RELN: variants seen among roughly 807,000 people sequenced by gnomAD.
The protein encoded by RELN is reelin.
Under a neutral mutation model 427.6 loss-of-function variants are expected in RELN, and 108 were observed. The ratio of observed to expected loss-of-function variants is 0.25; its 90% CI spans 0.22 to 0.30. The LOEUF (loss-of-function observed/expected upper bound fraction) is 0.30, where lower values mean the gene tolerates loss of function less well. RELN is among the 10% of genes least tolerant of loss of function. The pLI, the probability that RELN is intolerant of heterozygous loss-of-function variation, is 1.00. For missense variants in RELN, 3,715 were observed against 4,302.8 expected (o/e 0.86, Z 3.82); for synonymous variants, 1,524 against 1,513.4 (o/e 1.01, Z -0.16).
intron 31 of RELN, among the ~76,000 whole-genome samples, chr7:103,567,476 G>A (rs1050686734): frequency 1.3e-5 from 2 of 152,184 alleles, no homozygotes; most frequent in African/African-American, 4.8e-5. Context: ...TGCAGAGAAA[G>A]CGCAATGTTG....
intron 48 of RELN, among the ~76,000 whole-genome samples, chr7:103,520,963 T>A (rs1051747141): frequency 4.0e-5 from 4 of 100,864 alleles, no homozygotes; most frequent in Non-Finnish European, 8.1e-5. Context: ...TGTTATTTTT[T>A]TTTTTTTTTT....
intron 12 of RELN, among the ~76,000 whole-genome samples, chr7:103,654,422 A>G (rs1046167291): frequency 2.0e-5 from 3 of 152,130 alleles, no homozygotes; most frequent in Non-Finnish European, 4.4e-5. Flanking sequence ...TGAAGGCCAA[A>G]GTAGCTATTT....
At chr7:103,888,257 A>G (rs1481891346) in intron 2 of RELN, among the ~76,000 whole-genome samples, 1 of 151,778 alleles carries the variant, frequency 6.6e-6, no homozygotes, top group Non-Finnish European at 1.5e-5. Flanking sequence ...ATATATATAT[A>G]TATCACCCGA....
At chr7:103,906,853 C>T (rs1285994320) in intron 2 of RELN, among the ~76,000 whole-genome samples, 1 of 152,114 alleles carries the variant, frequency 6.6e-6, no homozygotes, top group East Asian at 1.9e-4. Flanking sequence ...ACATCTGAGC[C>T]ACAGAACAGG....
At chr7:103,473,928 C>T (rs1352714034) in intron 64 of RELN, among the ~76,000 whole-genome samples, 1 of 151,994 alleles carries the variant, frequency 6.6e-6, no homozygotes, top group African/African-American at 2.4e-5. Flanking sequence ...TCCATGAAGA[C>T]ATAAAATGTA....
At position 103,489,920 on chromosome 7, in the gene RELN, A is replaced by C. The variant is rs201166251; in HGVS notation, c.9606-21T>G. On this transcript the variant is annotated intron_variant, in intron 59 of 64. Coordinates refer to ENST00000428762, the MANE Select transcript of RELN (RefSeq NM_005045.4). Reference sequence around the variant, plus strand: ...TTGCACTGAAAGAACCACAGAGAGCAGAAGGGATTCAGTAGGTTGTTACTT... The same window carrying C: ...TTGCACTGAAAGAACCACAGAGAGCCGAAGGGATTCAGTAGGTTGTTACTT... 1,071 of 1,613,762 alleles carry C rather than the reference A, an allele frequency of 6.6e-4. No individual in the cohort carries two copies. Among genetic ancestry groups the C allele is most frequent in the Admixed American group, 9.3e-4 (56 of 60,008 alleles).
At chr7:103,650,435 G>C (rs768287864) in intron 15 of RELN, 52 bp from the exon 16 acceptor site, 1 of 1,114,190 alleles carries the variant, frequency 9.0e-7, no homozygotes, top group Non-Finnish European at 1.4e-6. Context: ...CATATCTTTA[G>C]AATCTATTTT....
intron 18 of RELN, 65 bp from the exon 19 acceptor site, chr7:103,635,651 T>C: frequency 7.0e-7 from 1 of 1,420,288 alleles, no homozygotes; most frequent in Non-Finnish European, 9.9e-7. Context: ...TTCATTTTGG[T>C]CTTTAAAGAA....
At chr7:103,891,139 T>C (rs1285120697) in intron 2 of RELN, among the ~76,000 whole-genome samples, 5 of 152,130 alleles carry the variant, frequency 3.3e-5, no homozygotes, top group Admixed American at 2.0e-4. Flanking sequence ...CAAGTGTTTA[T>C]TTGCTAGAGA....
chr7:103,808,327 G>A (rs573823961), intron 3 of RELN, among the ~76,000 whole-genome samples: 1 of 151,664 alleles, frequency 6.6e-6, no homozygotes, highest in Non-Finnish European at 1.5e-5. Flanking sequence ...TGAGTTAATG[G>A]GTGCAGCACA....
chr7:103,969,592 A>G (rs1051918112), intron 1 of RELN, among the ~76,000 whole-genome samples: 3 of 152,252 alleles, frequency 2.0e-5, no homozygotes, highest in Admixed American at 1.3e-4. Flanking sequence ...AATAAATTAA[A>G]TAGGTATCAC....
intron 20 of RELN, among the ~76,000 whole-genome samples, chr7:103,612,820 A>G (rs188328556): frequency 7.6e-4 from 116 of 152,306 alleles, no homozygotes; most frequent in African/African-American, 2.6e-3. Context: ...AAGGCAGGCA[A>G]ATTAATTTTT....
intron 64 of RELN, among the ~76,000 whole-genome samples, chr7:103,474,474 CT>C (rs1562835282): frequency 6.6e-6 from 1 of 151,906 alleles, no homozygotes; most frequent in Non-Finnish European, 1.5e-5. Context: ...TATCCTCCCC[CT>C]CCCATCCCCT....
intron 1 of RELN, among the ~76,000 whole-genome samples, chr7:103,965,005 A>C (rs541269698): frequency 2.6e-5 from 4 of 152,238 alleles, no homozygotes; most frequent in Non-Finnish European, 5.9e-5. Flanking sequence ...ATTGTGAGGA[A>C]GAAATAATTT....
intron 31 of RELN, among the ~76,000 whole-genome samples, chr7:103,567,613 T>A (rs1830785333): frequency 1.3e-5 from 2 of 152,090 alleles, no homozygotes; most frequent in Non-Finnish European, 2.9e-5. Context: ...TTATACCCGC[T>A]TCTTTGGTAG....
intron 9 of RELN, among the ~76,000 whole-genome samples, chr7:103,699,376 G>C (rs2115788593): frequency 6.6e-6 from 1 of 152,188 alleles, no homozygotes; most frequent in Non-Finnish European, 1.5e-5. Context: ...TATGCTTTTA[G>C]CTTCAAAAAG....
intron 41 of RELN, among the ~76,000 whole-genome samples, chr7:103,547,400 A>G (rs1195654819): frequency 6.6e-6 from 1 of 151,950 alleles, no homozygotes. Context: ...GGGTTCAAGC[A>G]ATTCTTCTGC....
intron 48 of RELN, 21 bp from the exon 49 acceptor site, chr7:103,519,537 A>T (rs927341337): frequency 8.4e-6 from 13 of 1,550,760 alleles, no homozygotes; most frequent in African/African-American, 1.4e-5. Context: ...GAAGTAAAAT[A>T]AAAAAAAGTG....
At chr7:103,523,667 T>G in intron 46 of RELN, 136 bp from the exon 47 acceptor site, 1 of 864,446 alleles carries the variant, frequency 1.2e-6, no homozygotes, top group Non-Finnish European at 1.8e-6. Flanking sequence ...AGAACATTCA[T>G]TATTACAATA....
Sources: allele counts gnomAD v4.1 joint callset (sites outside exome capture counted in the v4.1 genomes callset), GRCh38; gene constraint gnomAD v4.1.1; transcripts MANE v1.5; gene names NCBI Gene and HGNC (gene_info 2026-07-23, HGNC 2026-07-21).